Variants in AK7 observed in about 807,000 individuals in gnomAD.
AK7 encodes ATP-AMP transphosphorylase 7.
A neutral mutation model predicts 96.6 loss-of-function variants in AK7; 78 were observed. The observed-to-expected ratio is 0.81, with a 90% CI of 0.67 to 0.97. The LOEUF (loss-of-function observed/expected upper bound fraction) is 0.97, where lower values mean the gene tolerates loss of function less well. Ranked by LOEUF, AK7 falls within the 50% of genes least tolerant of loss-of-function variation. AK7 has a pLI of 0.00. For missense variants in AK7, 855 were observed against 887.9 expected (o/e 0.96, Z 0.47); for synonymous variants, 302 against 317.2 (o/e 0.95, Z 0.51).
intron 17 of AK7, among the ~76,000 whole-genome samples, chr14:96,487,657 G>A (rs1895851680): frequency 6.6e-6 from 1 of 151,662 alleles, no homozygotes; most frequent in Admixed American, 6.6e-5. Context: ...TTGAATTCCT[G>A]ACCTCGTGAT....
chr14:96,393,684 T>C (rs1163361909), intron 1 of AK7, among the ~76,000 whole-genome samples: 1 of 152,230 alleles, frequency 6.6e-6, no homozygotes, highest in East Asian at 1.9e-4. Flanking sequence ...CCCTATCCAA[T>C]ATGGCTTCAT....
intron 13 of AK7, among the ~76,000 whole-genome samples, chr14:96,471,939 T>C (rs1894916924): frequency 6.6e-6 from 1 of 152,196 alleles, no homozygotes; most frequent in African/African-American, 2.4e-5. Context: ...AGCACACCTC[T>C]AGAGCTTATG....
At chr14:96,397,775 A>G (rs974476901) in intron 1 of AK7, among the ~76,000 whole-genome samples, 2 of 152,206 alleles carry the variant, frequency 1.3e-5, no homozygotes, top group Admixed American at 1.3e-4. Flanking sequence ...TCTGTTGGAC[A>G]ACACAAACAT....
chr14:96,429,296 C>A (rs1426254975), intron 5 of AK7, among the ~76,000 whole-genome samples: 1 of 151,966 alleles, frequency 6.6e-6, no homozygotes, highest in South Asian at 2.1e-4. Context: ...ATTTCTGAGG[C>A]CTCTGTTCTG....
Position 96,460,663 on chromosome 14 carries a change from C to A in AK7, c.1357+2451C>A, listed in dbSNP as rs546888805. 7.9e-5 allele frequency among the ~76,000 whole-genome samples: 12 copies of A among 152,328 alleles called. No homozygotes were observed. The South Asian group carries it at 2.3e-3, about 29-fold the overall frequency. ...CCTCTTCCCAGCTACTCACCTCCAC[C>A]TGGGTTGGAGACCTAGTTTCCCTCT... On this transcript the variant is annotated intron_variant, in intron 12 of 17. Transcript: ENST00000267584.
rs190341157 is a variant in AK7, at chr14:96,446,669, G to A, written c.870+62G>A. Reference sequence around the variant, plus strand: ...GTAAATAGTTTTGCTGGCTGGGCGCGGTGGCTCATGCCTGTAATCCTAGCA... The same window carrying A: ...GTAAATAGTTTTGCTGGCTGGGCGCAGTGGCTCATGCCTGTAATCCTAGCA... On this transcript the variant is annotated intron_variant, in intron 8 of 17. Transcript: ENST00000267584. 1.6e-5 allele frequency: 23 copies of A among 1,461,026 alleles called. No homozygotes were observed. The African/African-American group carries it at 1.9e-4, about 12-fold the overall frequency. The allele number at this position is 1,461,026 out of a possible 1,614,324, so 90.5% of individuals were successfully genotyped here.
chr14:96,469,279 G>GGGAAGCTGA (rs1894750959), intron 12 of AK7, among the ~76,000 whole-genome samples: 1 of 152,210 alleles, frequency 6.6e-6, no homozygotes, highest in South Asian at 2.1e-4. Context: ...CCAGCACTTT[G>GGGAAGCTGA]GGAAGCTGAG....
intron 5 of AK7, chr14:96,423,893 G>C: frequency 1.0e-6 from 1 of 994,560 alleles, no homozygotes; most frequent in Non-Finnish European, 1.6e-6. Flanking sequence ...GAGACCCCGA[G>C]CCCACATAAT....
At chr14:96,431,921 C>G (rs1892374682) in intron 5 of AK7, among the ~76,000 whole-genome samples, 1 of 152,064 alleles carries the variant, frequency 6.6e-6, no homozygotes, top group African/African-American at 2.4e-5. Flanking sequence ...TAAGGACTTG[C>G]TTTATGAATC....
intron 4 of AK7, among the ~76,000 whole-genome samples, chr14:96,417,155 G>T (rs1386534596): frequency 6.6e-6 from 1 of 152,166 alleles, no homozygotes; most frequent in African/African-American, 2.4e-5. Flanking sequence ...GCTACAGAGG[G>T]GCCAGGACTC....
At chr14:96,431,172 G>C (rs1295835384) in intron 5 of AK7, among the ~76,000 whole-genome samples, 1 of 151,954 alleles carries the variant, frequency 6.6e-6, no homozygotes, top group African/African-American at 2.4e-5. Flanking sequence ...AATCTTGCTA[G>C]CGGTCTATCT....
chr14:96,445,596 G>T (rs1166840436), intron 7 of AK7, among the ~76,000 whole-genome samples: 1 of 152,052 alleles, frequency 6.6e-6, no homozygotes, highest in Non-Finnish European at 1.5e-5. Flanking sequence ...GGAGTTTGAG[G>T]CTGCAGTGAA....
At chr14:96,405,121 G>C (rs1025751058) in intron 3 of AK7, 5 of 202,392 alleles carry the variant, frequency 2.5e-5, no homozygotes, top group Non-Finnish European at 1.0e-5. Flanking sequence ...CGAGGTGGGA[G>C]GATTATTGAG....
At chr14:96,424,082 C>T (rs1481938986) in intron 5 of AK7, 2 of 702,816 alleles carry the variant, frequency 2.8e-6, no homozygotes, top group Non-Finnish European at 2.7e-6. Flanking sequence ...CTGTTCTTCA[C>T]CTGGGTGGGA....
chr14:96,452,968 T>C (rs1021109385), intron 10 of AK7, among the ~76,000 whole-genome samples: 14 of 152,342 alleles, frequency 9.2e-5, no homozygotes, highest in African/African-American at 2.6e-4. Context: ...AAGTAGGTCA[T>C]ACATGAGAAA....
rs1430352254 is a variant in AK7, at chr14:96,408,895, T to C, written c.452T>C (p.Leu151Ser). ...SHFEKRKLFI[L>S]LSTVMTWARS... ...TTTGAAAAGCGAAAGCTATTTATTT[T>C]ACTGTCGACGGTGATGACTTGGGCG... The change falls in exon 4 of 18, where the codon TTA becomes TCA. Residue 151 changes from leucine (L) to serine (S), a missense_variant. Leu to Ser is a moderately radical substitution (Grantham distance 145, BLOSUM62 -2). Transcript: ENST00000267584. 3.7e-6 allele frequency: 6 copies of C among 1,614,240 alleles called. No individual in the cohort carries two copies. Among genetic ancestry groups the C allele is most frequent in the Non-Finnish European group, 5.1e-6 (6 of 1,180,030 alleles).
At chr14:96,397,574 C>T (rs1001590228) in intron 1 of AK7, among the ~76,000 whole-genome samples, 4 of 151,930 alleles carry the variant, frequency 2.6e-5, no homozygotes, top group Non-Finnish European at 5.9e-5. Context: ...TAATTTTACC[C>T]TTTGTTTTCA....
chr14:96,415,726 A>C (rs893697118), intron 4 of AK7, among the ~76,000 whole-genome samples: 21 of 115,978 alleles, frequency 1.8e-4, no homozygotes, highest in Non-Finnish European at 3.4e-4. Flanking sequence ...ATTATTAATA[A>C]ATTTTAATAC....
chr14:96,437,936 G>C, intron 6 of AK7, 21 bp downstream of exon 6: 2 of 1,602,986 alleles, frequency 1.2e-6, no homozygotes, highest in Non-Finnish European at 1.7e-6. Flanking sequence ...CAATGATGAC[G>C]TGGAATGTTT....
Sources: gnomAD v4.1 joint callset for allele counts (sites outside exome capture counted in the v4.1 genomes callset) on GRCh38, gnomAD v4.1.1 for gene constraint, MANE v1.5 for transcripts, NCBI Gene and HGNC (gene_info 2026-07-23, HGNC 2026-07-21) for gene names.